NACAD: variants seen among roughly 807,000 people sequenced by gnomAD.
NACAD encodes the protein NAC-alpha domain-containing protein 1.
Under a neutral mutation model 98.9 loss-of-function variants are expected in NACAD, and 47 were observed. That is an observed-to-expected ratio of 0.48 (90% CI 0.38 to 0.61). NACAD has a LOEUF of 0.61. Among genes scored for constraint, NACAD ranks in the 20% least tolerant of loss-of-function variants. The pLI is 0.00. For missense variants in NACAD, 1,412 were observed against 1,748.2 expected, an observed-to-expected ratio of 0.81 and a Z score of 3.43; for synonymous variants, 696 against 767.2, an observed-to-expected ratio of 0.91 and a Z score of 1.53.
At position 45,082,617 on chromosome 7, in the gene NACAD, A is replaced by C. The variant is rs1351624708; in HGVS notation, c.3563T>G (p.Leu1188Arg). The C allele has an allele frequency of 3.9e-6, 6 of 1,528,190 alleles. No individual in the cohort carries two copies. The East Asian group carries it at 9.8e-5, about 25-fold the overall frequency. 94.7% of individuals were successfully genotyped at this position (1,528,190 alleles called of 1,614,324 possible). Residue 1188 changes from leucine (L) to arginine (R), a missense_variant, in exon 2 of 8, where the codon CTG (leucine) becomes CGG (arginine). By Grantham distance (102) the Leu-to-Arg change is moderately radical. Coordinates refer to ENST00000490531, the MANE Select transcript of NACAD (RefSeq NM_001146334.2). The surrounding 1 kb of genome is among the most constrained non-coding windows in gnomAD (Gnocchi z 4.5). ...TSQQPEPVLGLGSVEQPHEVP... is the reference protein window; with the variant it reads ...TSQQPEPVLGRGSVEQPHEVP... ...TTCGTGGGGTTGCTCAACACTGCCC[A>C]GACCCAGTACAGGCTCCGGCTGCTG...
At position 45,082,955 on chromosome 7, in the gene NACAD, C is replaced by T; in HGVS notation, c.3225G>A (p.Glu1075=). 1 of 1,551,056 alleles carries T rather than the reference C, an allele frequency of 6.4e-7. No homozygotes were observed. The highest frequency in any genetic ancestry group is 8.7e-7 in the Non-Finnish European group (1 of 1,147,004). The part of the protein sequence containing the change: ...KPDSPQKETL[E]VENQQEGGLK... ...GGCCTCCTTCCTGCTGGTTCTCAAC[C>T]TCCAGGGTCTCCTTTTGGGGTGAGT... is the stretch of plus-strand genomic sequence containing the variant. The change falls in exon 2 of 8, where the codon GAG becomes GAA. Residue 1075 remains glutamate, a synonymous_variant. Transcript: ENST00000490531. This position sits in a 1 kb window ranked among gnomAD's most constrained non-coding sequence, Gnocchi z 4.5.
At position 45,088,700 on chromosome 7, in the gene NACAD, G is replaced by A. The variant is rs1219795455; in HGVS notation, c.67+128C>T. The A allele has an allele frequency of 5.7e-5, 38 of 666,690 alleles. No homozygotes were observed. Among genetic ancestry groups the A allele is most frequent in the Middle Eastern group, 4.6e-4 (1 of 2,158 alleles). The allele number at this position is 666,690 out of a possible 1,614,324, so 41.3% of individuals were successfully genotyped here. A position where few individuals can be genotyped will look rare whatever the true frequency, so the allele number is the denominator to read the frequency against. ...TCAGATGGAGGGAAGGACAGGGCGCGGAAAGGGGAGGGGACTCGAGGGGGG... is the reference window on the plus strand; with the variant it reads ...TCAGATGGAGGGAAGGACAGGGCGCAGAAAGGGGAGGGGACTCGAGGGGGG... On this transcript the variant is annotated intron_variant, in intron 1 of 7. Transcript: ENST00000490531. This position sits in a 1 kb window ranked among gnomAD's most constrained non-coding sequence, Gnocchi z 5.7.
In NACAD at chr7:45,080,715, C is replaced by G; in HGVS notation, c.4599G>C (p.Ala1533=). ...CCTTGGCCCTGGACACATTGGCCTG[C>G]GCCATCACCAGCTCAATGTCACGCA... ...LELRDIELVM[A]QANVSRAKAV... is the part of the protein sequence containing the mutation. The change falls in exon 7 of 8, where the codon GCG becomes GCC. Residue 1533 remains alanine, a synonymous_variant. Transcript: ENST00000490531. The G allele has an allele frequency of 6.4e-7, 1 of 1,551,108 alleles. No homozygotes were observed. The highest frequency in any genetic ancestry group is 1.2e-5 in the South Asian group (1 of 84,066).
Position 45,085,846 on chromosome 7 carries a change from G to C in NACAD, c.334C>G (p.Pro112Ala), listed in dbSNP as rs781059449. The C allele has an allele frequency of 3.9e-6, 6 of 1,543,504 alleles. No individual in the cohort carries two copies. Among genetic ancestry groups the C allele is most frequent in the Non-Finnish European group, 5.2e-6 (6 of 1,143,838 alleles). Residue 112 changes from proline (P) to alanine (A), a missense_variant, in exon 2 of 8, where the codon CCG (proline) becomes GCG (alanine). Physicochemically the swap from Pro to Ala is conservative, Grantham distance 27 (BLOSUM62 -1). Transcript: ENST00000490531. This position sits in a 1 kb window ranked among gnomAD's most constrained non-coding sequence, Gnocchi z 6.1. ...SQALSTEAPL[P>A]ATLEPRIVMG... ...ACAATCCGGGGCTCCAGGGTGGCCG[G>C]GAGAGGAGCCTCCGTGGACAGAGCC...
In NACAD at chr7:45,086,036, C is replaced by A; in HGVS notation, c.144G>T (p.Gly48=). The A allele has an allele frequency of 6.5e-7, 1 of 1,535,722 alleles. No individual in the cohort carries two copies. ...DRREPCALTP[G]PSHLALTFLP... is the part of the protein sequence containing the mutation. The stretch of plus-strand genomic sequence containing the variant: ...GGAACGTGAGGGCCAGGTGGCTGGG[C>A]CCTGGGGTCAGAGCACAGGGCTCCC... Residue 48 remains glycine (G), a synonymous_variant, in exon 2 of 8, where the codon GGG becomes GGT. Coordinates refer to ENST00000490531, the MANE Select transcript of NACAD (RefSeq NM_001146334.2).
Position 45,085,580 on chromosome 7 carries a change from T to C in NACAD, c.600A>G (p.Ser200=), listed in dbSNP as rs1162533746. The C allele has an allele frequency of 6.5e-7, 1 of 1,549,286 alleles. No individual in the cohort carries two copies. Among genetic ancestry groups the C allele is most frequent in the East Asian group, 2.4e-5 (1 of 40,828 alleles). Residue 200 remains serine, a synonymous_variant, in exon 2 of 8, where the codon TCA becomes TCG. Transcript: ENST00000490531. The surrounding 1 kb of genome is among the most constrained non-coding windows in gnomAD (Gnocchi z 6.1). ...GCAGCTCATCCCGCAGCTCAGCCTC[T>C]GAGTCCCTGGCGTCCCCGTGGGGCC... ...ACGPHGDARD[S]EAELRDELLD... is the part of the protein sequence containing the mutation.
Position 45,083,499 on chromosome 7 carries a change from G to C in NACAD, c.2681C>G (p.Ser894Trp). The C allele has an allele frequency of 1.6e-6, 1 of 627,254 alleles. No individual in the cohort carries two copies. Among genetic ancestry groups the C allele is most frequent in the South Asian group, 1.7e-5 (1 of 57,152 alleles). The allele number at this position is 627,254 out of a possible 1,614,324, so 38.9% of individuals were successfully genotyped here. ...PPLPLQDTDLSSAPKPVAAAT... is the reference protein window; with the variant it reads ...PPLPLQDTDLWSAPKPVAAAT... Reference sequence around the variant, plus strand: ...TGCAGCCACAGGCTTTGGGGCTGACGAGAGATCTGTGTCTTGTAGGGGCAG... The same window carrying C: ...TGCAGCCACAGGCTTTGGGGCTGACCAGAGATCTGTGTCTTGTAGGGGCAG... The change falls in exon 2 of 8, where the codon TCG becomes TGG. Residue 894 changes from serine to tryptophan, a missense_variant. Around this residue, in one of 5 missense-constraint regions of NACAD, gnomAD observed 72 missense variants for 198.0 expected, o/e 0.36. Transcript: ENST00000490531.
rs1334782777 is a variant in NACAD, at chr7:45,088,586, G to A, written c.67+242C>T. Reference sequence around the variant, plus strand: ...CACGATCCCTGGGTCGGAAGCCAAGGGCTTAAGCCCCCACGTTCTTTCTGG... The same window carrying A: ...CACGATCCCTGGGTCGGAAGCCAAGAGCTTAAGCCCCCACGTTCTTTCTGG... On this transcript the variant is annotated intron_variant, in intron 1 of 7. Coordinates refer to ENST00000490531, the MANE Select transcript of NACAD (RefSeq NM_001146334.2). This position sits in a 1 kb window ranked among gnomAD's most constrained non-coding sequence, Gnocchi z 5.7. Among the ~76,000 whole-genome samples the A allele has an allele frequency of 1.3e-5, 2 of 152,350 alleles. No individual in the cohort carries two copies. The highest frequency in any genetic ancestry group is 3.9e-4 in the East Asian group (2 of 5,174).
In NACAD at chr7:45,081,168, A is replaced by T. The variant is rs1784424690; in HGVS notation, c.4353T>A (p.Asp1451Glu). 7 of 1,551,504 alleles carry T rather than the reference A, an allele frequency of 4.5e-6. No homozygotes were observed. The highest frequency in any genetic ancestry group is 6.1e-6 in the Non-Finnish European group (7 of 1,147,006). Residue 1451 changes from aspartate (D) to glutamate (E), a missense_variant, in exon 5 of 8, where the codon GAT (aspartate) becomes GAA (glutamate). By Grantham distance (45) the Asp-to-Glu change is conservative (BLOSUM62 2). Transcript: ENST00000490531. ...TGTCTGAGGCTGGGCTCTTGAAGACATCAGGCTTGGCGATGACAAAGAGGA... is the reference window on the plus strand; with the variant it reads ...TGTCTGAGGCTGGGCTCTTGAAGACTTCAGGCTTGGCGATGACAAAGAGGA... The part of the protein sequence containing the change: ...KNILFVIAKP[D>E]VFKSPASDTY...
Position 45,083,163 on chromosome 7 carries a change from G to A in NACAD, c.3017C>T (p.Ala1006Val), listed in dbSNP as rs58222681. The A allele has an allele frequency of 2.8e-4, 438 of 1,550,896 alleles. 1 individual carries two copies. In the African/African-American group the frequency reaches 5.4e-3, roughly 19 times the overall value. The change falls in exon 2 of 8, where the codon GCT becomes GTT. Residue 1006 changes from alanine to valine, a missense_variant. By Grantham distance (64) the Ala-to-Val change is moderately conservative. Around this residue, in one of 5 missense-constraint regions of NACAD, gnomAD observed 572 missense variants for 639.6 expected, o/e 0.89. Coordinates refer to ENST00000490531, the MANE Select transcript of NACAD (RefSeq NM_001146334.2). ...DQVQQDDPQP[A>V]AEAGTPWAAQ... The stretch of plus-strand genomic sequence containing the variant: ...GGCCCAAGGTGTCCCAGCTTCTGCA[G>A]CTGGCTGTGGGTCATCCTGTTGGAC...
intron 1 of NACAD, among the ~76,000 whole-genome samples, chr7:45,087,226 TA>T (rs1463372296): frequency 8.5e-5 from 13 of 152,222 alleles, no homozygotes; most frequent in Admixed American, 8.5e-4. Flanking sequence ...GCCTGTATTT[TA>T]TCACAGGCGA....
Position 45,088,380 on chromosome 7 carries a change from T to TCGCCGGCCCAGGACAGA in NACAD, c.67+431_67+447dup, listed in dbSNP as rs1326422650. ...CTCCTCCCTCCAGAGCCATGACCAG[T>TCGCCGGCCCAGGACAGA]CGCCGGCCCAGGACAGACCGGGTGC... is the stretch of plus-strand genomic sequence containing the variant. On this transcript the variant is annotated intron_variant, in intron 1 of 7. Transcript: ENST00000490531. This position sits in a 1 kb window ranked among gnomAD's most constrained non-coding sequence, Gnocchi z 5.7. 1.3e-5 allele frequency among the ~76,000 whole-genome samples: 2 copies of TCGCCGGCCCAGGACAGA among 151,916 alleles called. No individual in the cohort carries two copies. The highest frequency in any genetic ancestry group is 1.3e-4 in the Admixed American group (2 of 15,262).
At chr7:45,087,209 C>T (rs555798353) in intron 1 of NACAD, among the ~76,000 whole-genome samples, 1 of 152,336 alleles carries the variant, frequency 6.6e-6, no homozygotes, top group African/African-American at 2.4e-5. Context: ...CTCCTGGACT[C>T]TTACTGGCCT....
In NACAD at chr7:45,084,732, A is replaced by C. The variant is rs762140085; in HGVS notation, c.1448T>G (p.Val483Gly). ...GGCTACCTGCAGAGTGTGAGGGGTC[A>C]CAGTGGCAGTGGACTCCTGGCCTAA... ...LALGQESTAT[V>G]TPHTLQVAPG... Residue 483 changes from valine to glycine, a missense_variant, in exon 2 of 8, where the codon GTG becomes GGG. By Grantham distance (109) the Val-to-Gly change is moderately radical. This residue lies in a region of NACAD where 638 missense variants were observed against 722.7 expected (regional missense o/e 0.88). Coordinates refer to ENST00000490531, the MANE Select transcript of NACAD (RefSeq NM_001146334.2). 1.5e-5 allele frequency: 23 copies of C among 1,550,948 alleles called. 1 individual carries two copies. In the South Asian group the frequency reaches 2.6e-4, roughly 18 times the overall value.
chr7:45,080,818 G>A lies in NACAD; in HGVS notation c.4552-56C>T, dbSNP rs1562926248. 15 of 1,549,374 alleles carry A rather than the reference G, an allele frequency of 9.7e-6. No individual in the cohort carries two copies. The South Asian group carries it at 1.8e-4, about 18-fold the overall frequency. On this transcript the variant is annotated intron_variant, in intron 6 of 7. Coordinates refer to ENST00000490531, the MANE Select transcript of NACAD (RefSeq NM_001146334.2). ...AGCTGCTTGAGGTCCCTGGGGCAGAGCCCCCATGTAGCGCCTCCCACCACC... is the reference window on the plus strand; with the variant it reads ...AGCTGCTTGAGGTCCCTGGGGCAGAACCCCCATGTAGCGCCTCCCACCACC...
At position 45,084,534 on chromosome 7, in the gene NACAD, G is replaced by A. The variant is rs369315107; in HGVS notation, c.1646C>T (p.Pro549Leu). 5 of 1,552,268 alleles carry A rather than the reference G, an allele frequency of 3.2e-6. No homozygotes were observed. The Admixed American group carries it at 7.8e-5, about 24-fold the overall frequency. ...CAATGTGAGGCTTGTTTCTTCCTGT[G>A]GAGTTGGAAGTTTTTCTGCAGTGAC... ...ESVTAEKLPT[P>L]QEETSLTLCP... The change falls in exon 2 of 8, where the codon CCA (proline) becomes CTA (leucine). Residue 549 changes from proline (P) to leucine (L), a missense_variant. Physicochemically the swap from Pro to Leu is moderately conservative, Grantham distance 98. Transcript: ENST00000490531.
At position 45,082,366 on chromosome 7, in the gene NACAD, G is replaced by A; in HGVS notation, c.3814C>T (p.Pro1272Ser). 6.5e-7 allele frequency: 1 copy of A among 1,550,252 alleles called. No homozygotes were observed. Among genetic ancestry groups the A allele is most frequent in the Non-Finnish European group, 8.7e-7 (1 of 1,146,914 alleles). ...EEPPGSLGLP[P>S]PQAGVQPAAA... ...GCAGGCTGGACTCCTGCCTGGGGCG[G>A]TGGGAGGCCCAGAGAGCCTGGGGGC... The change falls in exon 2 of 8, where the codon CCG becomes TCG. Residue 1272 changes from proline to serine, a missense_variant. By Grantham distance (74) the Pro-to-Ser change is moderately conservative (BLOSUM62 -1). Around this residue, in one of 5 missense-constraint regions of NACAD, gnomAD observed 572 missense variants for 639.6 expected, o/e 0.89. Transcript: ENST00000490531. This position sits in a 1 kb window ranked among gnomAD's most constrained non-coding sequence, Gnocchi z 4.5.
At position 45,081,242 on chromosome 7, in the gene NACAD, G is replaced by GC; in HGVS notation, c.4278dup (p.Arg1427AlafsTer25). 2 of 1,551,370 alleles carry GC rather than the reference G, an allele frequency of 1.3e-6. No individual in the cohort carries two copies. The highest frequency in any genetic ancestry group is 1.7e-6 in the Non-Finnish European group (2 of 1,146,970). On this transcript the variant is annotated frameshift_variant, in exon 5 of 8. Transcript: ENST00000490531. LOFTEE classifies it high-confidence loss of function. ...ATCCTGGTGACTCCCTGAATCTGCC[G>GC]CAAGCCCAGCTTTGACATTGCCTGG...
rs1784486092 is a variant in NACAD, at chr7:45,084,805, A to G, written c.1375T>C (p.Ser459Pro). The G allele has an allele frequency of 1.9e-6, 3 of 1,550,744 alleles. No individual in the cohort carries two copies. The highest frequency in any genetic ancestry group is 2.4e-5 in the South Asian group (2 of 83,994). ...PQTSDRGAYL[S>P]QRQELISEVT... ...TCTGAGATCAATTCCTGTCTCTGGG[A>G]CAGATAGGCCCCTCTGTCTGAGGTC... The change falls in exon 2 of 8, where the codon TCC becomes CCC. Residue 459 changes from serine to proline, a missense_variant. Around this residue, in one of 5 missense-constraint regions of NACAD, gnomAD observed 638 missense variants for 722.7 expected, o/e 0.88. Transcript: ENST00000490531.
Sources: gnomAD v4.1 joint callset for allele counts (sites outside exome capture counted in the v4.1 genomes callset) on GRCh38, gnomAD v4.1.1 for gene constraint, gnomAD v4.1.1 regional missense constraint, Gnocchi (gnomAD v3.1) non-coding constraint, MANE v1.5 for transcripts, NCBI Gene and HGNC (gene_info 2026-07-23, HGNC 2026-07-21) for gene names.